The following RIMS1 variants were observed in gnomAD, a reference collection of about 807,000 sequenced individuals.
RIMS1 encodes the protein regulating synaptic membrane exocytosis 1.
In RIMS1, 83 loss-of-function variants were observed where a neutral mutation model predicts 214.1. The ratio of observed to expected loss-of-function variants is 0.39; its 90% CI spans 0.32 to 0.47. RIMS1 has a LOEUF of 0.47. RIMS1 is among the 20% of genes least tolerant of loss of function. The probability of loss-of-function intolerance (pLI) is 0.99; values close to 1 mark genes in which losing one functional copy is unlikely to be tolerated. For missense variants in RIMS1, 2,050 were observed against 2,161.8 expected, an observed-to-expected ratio of 0.95 and a Z score of 1.03; for synonymous variants, 793 against 786.8, an observed-to-expected ratio of 1.01 and a Z score of -0.13.
intron 8 of RIMS1, among the ~76,000 whole-genome samples, chr6:72,236,839 C>T (rs2064312819): frequency 6.6e-6 from 1 of 150,958 alleles, no homozygotes; most frequent in Non-Finnish European, 1.5e-5. Flanking sequence ...TCTATTGGGC[C>T]ACATTCAAAG....
In RIMS1 at chr6:72,390,744, C is replaced by T. The variant is rs781292082; in HGVS notation, c.4505+8C>T. On this transcript the variant is annotated splice_region_variant and intron_variant, in intron 30 of 33. Transcript: ENST00000521978. ...TTACAGCTCTGAGGGCAAGTAAGTG[C>T]TGTCAGCACGTCTGCATGGCTGTGG... 1.9e-6 allele frequency: 3 copies of T among 1,613,336 alleles called. No homozygotes were observed. The South Asian group carries it at 3.3e-5, about 18-fold the overall frequency.
At chr6:72,195,604 A>G (rs1375637251) in intron 6 of RIMS1, among the ~76,000 whole-genome samples, 1 of 152,098 alleles carries the variant, frequency 6.6e-6, no homozygotes, top group African/African-American at 2.4e-5. Flanking sequence ...CTCTTATAAG[A>G]TGATACATCC....
At chr6:72,012,431 TAACA>T (rs560944868) in intron 2 of RIMS1, among the ~76,000 whole-genome samples, 294 of 152,204 alleles carry the variant, frequency 1.9e-3, no homozygotes, top group Non-Finnish European at 3.0e-3. Context: ...TATACATATG[TAACA>T]AACCTGCATG....
chr6:72,007,877 G>C (rs1266413143), intron 2 of RIMS1, among the ~76,000 whole-genome samples: 2 of 152,150 alleles, frequency 1.3e-5, no homozygotes, highest in Non-Finnish European at 2.9e-5. Flanking sequence ...GGGGAGAATG[G>C]AACCAAGTTG....
chr6:71,927,828 A>G (rs1781973469), intron 1 of RIMS1, among the ~76,000 whole-genome samples: 1 of 152,168 alleles, frequency 6.6e-6, no homozygotes. Flanking sequence ...TTTGAAAAAT[A>G]GAATTCAATT....
intron 27 of RIMS1, among the ~76,000 whole-genome samples, chr6:72,312,907 G>T (rs969621977): frequency 6.6e-6 from 1 of 152,106 alleles, no homozygotes; most frequent in Non-Finnish European, 1.5e-5. Flanking sequence ...TACCCAAAAT[G>T]CTTGGGACCA....
intron 1 of RIMS1, among the ~76,000 whole-genome samples, chr6:71,902,821 T>C (rs1276738507): frequency 6.6e-6 from 1 of 152,140 alleles, no homozygotes; most frequent in Non-Finnish European, 1.5e-5. Context: ...GATAATGGCT[T>C]CCAGCTCCAT....
chr6:72,085,386 A>G (rs899702822), intron 2 of RIMS1, among the ~76,000 whole-genome samples: 2 of 152,188 alleles, frequency 1.3e-5, no homozygotes, highest in East Asian at 1.9e-4. Context: ...AAACTCACAT[A>G]TACAAATGTG....
intron 6 of RIMS1, among the ~76,000 whole-genome samples, chr6:72,220,582 T>TA (rs1302066836): frequency 1.3e-5 from 2 of 151,998 alleles, no homozygotes; most frequent in Non-Finnish European, 2.9e-5. Context: ...TTGCTCTTGC[T>TA]AAAAAAACAA....
At chr6:72,190,463 C>CAAAAAAAAAAAAAAAAA (rs59655989) in intron 6 of RIMS1, among the ~76,000 whole-genome samples, 1 of 128,472 alleles carries the variant, frequency 7.8e-6, no homozygotes, top group Admixed American at 7.9e-5. Context: ...AACTCTGTCT[C>CAAAAAAAAAAAAAAAAA]AAAAAAAAAA....
intron 29 of RIMS1, among the ~76,000 whole-genome samples, chr6:72,339,356 A>C (rs184575446): frequency 0.014 from 2,128 of 152,058 alleles, 51 homozygotes; most frequent in African/African-American, 0.047. Context: ...ATATGTATAC[A>C]TGTGCCATGT....
chr6:72,117,728 A>G (rs1427755575), intron 4 of RIMS1, among the ~76,000 whole-genome samples: 2 of 152,008 alleles, frequency 1.3e-5, no homozygotes, highest in Admixed American at 6.6e-5. Flanking sequence ...TTTGAAATGA[A>G]TGGTAGTAGT....
chr6:72,252,624 C>T (rs1325748354), intron 15 of RIMS1, 137 bp from the exon 16 acceptor site: 2 of 667,414 alleles, frequency 3.0e-6, no homozygotes, highest in Non-Finnish European at 5.4e-6. Context: ...TTAAAATTAG[C>T]TCAGTGTTTA....
chr6:72,183,174 G>A, intron 6 of RIMS1, 25 bp downstream of exon 6: 1 of 1,579,438 alleles, frequency 6.3e-7, no homozygotes, highest in South Asian at 1.2e-5. Flanking sequence ...CCGGCCGTGC[G>A]GGGACTTCAG....
In RIMS1 at chr6:72,143,861, T is replaced by A. The variant is rs542921963; in HGVS notation, c.472-35714T>A. Among the ~76,000 whole-genome samples the A allele has an allele frequency of 5.9e-5, 9 of 152,354 alleles. No individual in the cohort carries two copies. The South Asian group carries it at 1.9e-3, about 32-fold the overall frequency. ...GACACATTACTGCATAAAGCCCCAT[T>A]TCTTGAATGAAAACTCTGAGCCATC... On this transcript the variant is annotated intron_variant, in intron 4 of 33. Transcript: ENST00000521978.
At chr6:72,020,748 C>T (rs1814383810) in intron 2 of RIMS1, among the ~76,000 whole-genome samples, 2 of 152,110 alleles carry the variant, frequency 1.3e-5, no homozygotes, top group African/African-American at 2.4e-5. Context: ...GCTGGGAACT[C>T]GCAAAGAGTA....
intron 2 of RIMS1, among the ~76,000 whole-genome samples, chr6:72,094,229 G>T (rs929877780): frequency 3.0e-4 from 45 of 152,148 alleles, no homozygotes; most frequent in African/African-American, 1.0e-3. Flanking sequence ...TGAACTATTT[G>T]CTAAACTGCA....
At chr6:72,167,047 T>C (rs1226016613) in intron 4 of RIMS1, among the ~76,000 whole-genome samples, 1 of 152,012 alleles carries the variant, frequency 6.6e-6, no homozygotes, top group East Asian at 1.9e-4. Context: ...AAATGTACTG[T>C]TAGTGGTAGG....
chr6:72,291,373 T>C (rs1174608453), intron 25 of RIMS1, among the ~76,000 whole-genome samples: 1 of 152,240 alleles, frequency 6.6e-6, no homozygotes, highest in Non-Finnish European at 1.5e-5. Flanking sequence ...GTAATTTTAA[T>C]GCTAGCACCA....
Sources: allele counts gnomAD v4.1 joint callset (sites outside exome capture counted in the v4.1 genomes callset), GRCh38; gene constraint gnomAD v4.1.1; transcripts MANE v1.5; gene names NCBI Gene and HGNC (gene_info 2026-07-23, HGNC 2026-07-21).